APCDD1: variants seen among roughly 807,000 people sequenced by gnomAD.
APCDD1 encodes protein APCDD1.
A neutral mutation model predicts 38.1 loss-of-function variants in APCDD1; 15 were observed. That is an observed-to-expected ratio of 0.39 (90% CI 0.26 to 0.61). The LOEUF (loss-of-function observed/expected upper bound fraction) is 0.61, where lower values mean the gene tolerates loss of function less well. Ranked by LOEUF, APCDD1 falls within the 20% of genes least tolerant of loss-of-function variation. APCDD1 has a pLI of 0.49. For missense variants in APCDD1, 647 were observed against 696.2 expected (o/e 0.93, Z 0.79); for synonymous variants, 261 against 279.7 (o/e 0.93, Z 0.67).
Position 10,454,936 on chromosome 18 carries a change from CCAAATCGGAG to C in APCDD1, c.-44_-35del, listed in dbSNP as rs762887783. 1 of 1,485,910 alleles carries C rather than the reference CCAAATCGGAG, an allele frequency of 6.7e-7. No homozygotes were observed. Among genetic ancestry groups the C allele is most frequent in the South Asian group, 1.3e-5 (1 of 78,064 alleles). 92.0% of individuals were successfully genotyped at this position (1,485,910 alleles called of 1,614,324 possible). On this transcript the variant is annotated 5_prime_UTR_variant, in exon 1 of 5. Transcript: ENST00000355285. ...GAGCGCGCGCCCAGTTGCCCGGGCA[CCAAATCGGAG>C]CGCGGCGTGCGGGAGGCCCCAGAGC...
intron 3 of APCDD1, among the ~76,000 whole-genome samples, chr18:10,482,302 G>A (rs560763382): frequency 6.6e-6 from 1 of 152,192 alleles, no homozygotes; most frequent in Non-Finnish European, 1.5e-5. Flanking sequence ...AATTACAGAT[G>A]GCAAACCAAG....
In APCDD1 at chr18:10,460,244, G is replaced by A. The variant is rs188942460; in HGVS notation, c.58+5205G>A. On this transcript the variant is annotated intron_variant, in intron 1 of 4. Coordinates refer to ENST00000355285, the MANE Select transcript of APCDD1 (RefSeq NM_153000.5). ...TTAAAACTTTGTTGAGGACGGGCAC[G>A]GTGGCTCACGCCTGTAATCCCAGGC... Among the ~76,000 whole-genome samples the A allele has an allele frequency of 3.3e-3, 506 of 152,322 alleles. 3 individuals carry two copies. Among genetic ancestry groups the A allele is most frequent in the African/African-American group, 0.012 (482 of 41,576 alleles).
In APCDD1 at chr18:10,470,080, G is replaced by A. The variant is rs1043522092; in HGVS notation, c.242+1428G>A. 6.6e-6 allele frequency among the ~76,000 whole-genome samples: 1 copy of A among 152,162 alleles called. No individual in the cohort carries two copies. The highest frequency in any genetic ancestry group is 2.4e-5 in the African/African-American group (1 of 41,430). On this transcript the variant is annotated intron_variant, in intron 2 of 4. Transcript: ENST00000355285. This position sits in a 1 kb window ranked among gnomAD's most constrained non-coding sequence, Gnocchi z 4.1. ...AATGGACGGGAGAAAAAGTGATTTG[G>A]GGGTGACCAGTTAAAAGACCTTTGC...
chr18:10,480,570 T>C (rs538755708), intron 3 of APCDD1, among the ~76,000 whole-genome samples: 15 of 152,190 alleles, frequency 9.9e-5, no homozygotes, highest in African/African-American at 3.6e-4. Context: ...CTGCTTGTTA[T>C]GATAACTTTG....
Position 10,471,844 on chromosome 18 carries a change from C to G in APCDD1, c.557C>G (p.Ala186Gly). Residue 186 changes from alanine to glycine, a missense_variant, in exon 3 of 5, where the codon GCC becomes GGC. Transcript: ENST00000355285. This position sits in a 1 kb window ranked among gnomAD's most constrained non-coding sequence, Gnocchi z 5.5. Reference sequence around the variant, plus strand: ...GGGGGTCCCTGGGTGCAGGACGTGGCCTATGACCTCTGGCGAGAGGAGAAC... The same window carrying G: ...GGGGGTCCCTGGGTGCAGGACGTGGGCTATGACCTCTGGCGAGAGGAGAAC... The part of the protein sequence containing the change: ...ADGGPWVQDV[A>G]YDLWREENGC... The G allele has an allele frequency of 6.2e-7, 1 of 1,614,194 alleles. No individual in the cohort carries two copies.
Position 10,472,373 on chromosome 18 carries a change from T to C in APCDD1, c.774+312T>C, listed in dbSNP as rs2030883736. ...CCTAAGGCTCCTTTCAGCTCTCCCA[T>C]CCCAGGAACCTCTTCAGTGATTCCA... On this transcript the variant is annotated intron_variant, in intron 3 of 4. Coordinates refer to ENST00000355285, the MANE Select transcript of APCDD1 (RefSeq NM_153000.5). The surrounding 1 kb of genome is among the most constrained non-coding windows in gnomAD (Gnocchi z 6.6). Among the ~76,000 whole-genome samples, 1 of 152,112 alleles carries C rather than the reference T, an allele frequency of 6.6e-6. No individual in the cohort carries two copies. The highest frequency in any genetic ancestry group is 2.4e-5 in the African/African-American group (1 of 41,412).
In APCDD1 at chr18:10,471,402, G is replaced by T; in HGVS notation, c.243-128G>T. On this transcript the variant is annotated intron_variant, in intron 2 of 4. Transcript: ENST00000355285. The surrounding 1 kb of genome is among the most constrained non-coding windows in gnomAD (Gnocchi z 5.5). ...GTCAATGAGTTGGTATCTATAAAGG[G>T]CTGACAACAGAGTCTGGCCCATCGT... 8.2e-7 allele frequency: 1 copy of T among 1,218,214 alleles called. No homozygotes were observed. Among genetic ancestry groups the T allele is most frequent in the Non-Finnish European group, 1.2e-6 (1 of 855,618 alleles). The allele number at this position is 1,218,214 out of a possible 1,614,324, so 75.5% of individuals were successfully genotyped here. A position where few individuals can be genotyped will look rare whatever the true frequency, so the allele number is the denominator to read the frequency against.
intron 3 of APCDD1, among the ~76,000 whole-genome samples, chr18:10,483,933 G>A (rs2031193443): frequency 6.6e-6 from 1 of 152,212 alleles, no homozygotes; most frequent in Admixed American, 6.5e-5. Context: ...GAGGCAGCCC[G>A]GGCTCAGAGG....
rs2030830111 is a variant in APCDD1, at chr18:10,470,703, T to C, written c.243-827T>C. The stretch of plus-strand genomic sequence containing the variant: ...CAGGTCATTTGGCCAGGGCTTTAAG[T>C]ACCTCCCCGTACCCCCATTGCAGCC... On this transcript the variant is annotated intron_variant, in intron 2 of 4. Coordinates refer to ENST00000355285, the MANE Select transcript of APCDD1 (RefSeq NM_153000.5). This position sits in a 1 kb window ranked among gnomAD's most constrained non-coding sequence, Gnocchi z 4.1. Among the ~76,000 whole-genome samples, 1 of 152,202 alleles carries C rather than the reference T, an allele frequency of 6.6e-6. No individual in the cohort carries two copies. The highest frequency in any genetic ancestry group is 2.1e-4 in the South Asian group (1 of 4,830).
intron 4 of APCDD1, among the ~76,000 whole-genome samples, chr18:10,486,698 T>C (rs79302401): frequency 2.5e-5 from 1 of 40,314 alleles, no homozygotes; most frequent in Non-Finnish European, 4.8e-5. Context: ...AAAAGGTTGC[T>C]TTTTTTTTCC....
At position 10,471,968 on chromosome 18, in the gene APCDD1, C is replaced by T. The variant is rs537329264; in HGVS notation, c.681C>T (p.Val227=). 6.8e-6 allele frequency: 11 copies of T among 1,614,024 alleles called. No homozygotes were observed. Among genetic ancestry groups the T allele is most frequent in the East Asian group, 6.7e-5 (3 of 44,872 alleles). ...TTCACCACAACCTCGACCACCTGGT[C>T]GAGGAGCTCTTCCTTGGTGACATTC... ...QYLHHNLDHL[V]EELFLGDIHT... is the part of the protein sequence containing the mutation. The change falls in exon 3 of 5, where the codon GTC becomes GTT. Residue 227 remains valine (V), a synonymous_variant. Coordinates refer to ENST00000355285, the MANE Select transcript of APCDD1 (RefSeq NM_153000.5). This position sits in a 1 kb window ranked among gnomAD's most constrained non-coding sequence, Gnocchi z 5.5.
chr18:10,472,072 GCT>G lies in APCDD1; in HGVS notation c.774+14_774+15del. On this transcript the variant is annotated intron_variant, in intron 3 of 4. Transcript: ENST00000355285. The surrounding 1 kb of genome is among the most constrained non-coding windows in gnomAD (Gnocchi z 6.6). ...CTGCAGAATGCCAAGGTACCTCAGA[GCT>G]CTGTGTTCTCCTCTTTATTGAGTAA... The G allele has an allele frequency of 6.2e-7, 1 of 1,613,046 alleles. No homozygotes were observed. Among genetic ancestry groups the G allele is most frequent in the Non-Finnish European group, 8.5e-7 (1 of 1,180,020 alleles).
Position 10,485,356 on chromosome 18 carries a change from G to T in APCDD1, c.775-106G>T. On this transcript the variant is annotated intron_variant, in intron 3 of 4. Coordinates refer to ENST00000355285, the MANE Select transcript of APCDD1 (RefSeq NM_153000.5). This position sits in a 1 kb window ranked among gnomAD's most constrained non-coding sequence, Gnocchi z 5.8. ...TTGGTTCTTGGTGTCGAGGTTGTCA[G>T]TGATGGTGATCTGGTGCCTGGTGAG... 1 of 1,261,914 alleles carries T rather than the reference G, an allele frequency of 7.9e-7. No homozygotes were observed. Among genetic ancestry groups the T allele is most frequent in the East Asian group, 2.3e-5 (1 of 43,324 alleles). 78.2% of individuals were successfully genotyped at this position (1,261,914 alleles called of 1,614,324 possible). A position where few individuals can be genotyped will look rare whatever the true frequency, so the allele number is the denominator to read the frequency against.
intron 1 of APCDD1, among the ~76,000 whole-genome samples, chr18:10,458,888 C>T (rs2030452790): frequency 6.6e-6 from 1 of 152,170 alleles, no homozygotes; most frequent in Non-Finnish European, 1.5e-5. Context: ...AATCCGCTAC[C>T]ATCCTGGACG....
chr18:10,472,999 CTG>C lies in APCDD1; in HGVS notation c.774+941_774+942del, dbSNP rs1054183771. On this transcript the variant is annotated intron_variant, in intron 3 of 4. Transcript: ENST00000355285. The surrounding 1 kb of genome is among the most constrained non-coding windows in gnomAD (Gnocchi z 6.6). ...CTGCGGGTGGGCGGTGGGCAGGTCTCTGTGGAGTATCTCCCCGGCCGTCCCCA... is the reference window on the plus strand; with the variant it reads ...CTGCGGGTGGGCGGTGGGCAGGTCTCTGGAGTATCTCCCCGGCCGTCCCCA... 3.3e-5 allele frequency among the ~76,000 whole-genome samples: 5 copies of C among 152,154 alleles called. No individual in the cohort carries two copies. Among genetic ancestry groups the C allele is most frequent in the African/African-American group, 1.2e-4 (5 of 41,444 alleles).
chr18:10,459,706 G>C (rs999157397), intron 1 of APCDD1, among the ~76,000 whole-genome samples: 1 of 152,142 alleles, frequency 6.6e-6, no homozygotes, highest in Admixed American at 6.5e-5. Context: ...CAAAAAAATG[G>C]AAACCTGTGC....
intron 1 of APCDD1, among the ~76,000 whole-genome samples, chr18:10,457,399 C>G (rs1272092012): frequency 2.0e-5 from 3 of 152,156 alleles, no homozygotes; most frequent in Non-Finnish European, 4.4e-5. Flanking sequence ...GCTTTGCAGG[C>G]ATTTAAGAAT....
At chr18:10,468,891 GTGAGTGAA>G (rs1415721576) in intron 2 of APCDD1, among the ~76,000 whole-genome samples, 1 of 152,246 alleles carries the variant, frequency 6.6e-6, no homozygotes, top group Non-Finnish European at 1.5e-5. Flanking sequence ...ACCACACAGT[GTGAGTGAA>G]TAGATCCTTG....
At chr18:10,483,922 G>A (rs1366071164) in intron 3 of APCDD1, among the ~76,000 whole-genome samples, 4 of 152,248 alleles carry the variant, frequency 2.6e-5, no homozygotes, top group Non-Finnish European at 1.5e-5. Context: ...AGGTGCAGGA[G>A]GAGGCAGCCC....
Sources: gnomAD v4.1 joint callset for allele counts (sites outside exome capture counted in the v4.1 genomes callset) on GRCh38, gnomAD v4.1.1 for gene constraint, Gnocchi (gnomAD v3.1) non-coding constraint, MANE v1.5 for transcripts, NCBI Gene and HGNC (gene_info 2026-07-23, HGNC 2026-07-21) for gene names.